Variants in CDKAL1 observed in about 807,000 individuals in gnomAD.
CDKAL1 encodes the protein CDKAL1 threonylcarbamoyladenosine tRNA methylthiotransferase, also known as threonylcarbamoyladenosine tRNA methylthiotransferase.
A neutral mutation model predicts 68.2 loss-of-function variants in CDKAL1; 32 were observed. That is an observed-to-expected ratio of 0.47 (90% confidence interval 0.35 to 0.63). The LOEUF is 0.63. CDKAL1 is among the 30% of genes least tolerant of loss of function. The pLI, the probability that CDKAL1 is intolerant of heterozygous loss-of-function variation, is 0.00. For missense variants in CDKAL1, 606 were observed against 696.7 expected, an observed-to-expected ratio of 0.87 and a Z score of 1.47; for synonymous variants, 234 against 244.3, an observed-to-expected ratio of 0.96 and a Z score of 0.39.
chr6:20,855,442 C>CAA lies in CDKAL1; in HGVS notation c.742+9293_742+9294dup, dbSNP rs145448785. 1.1e-3 allele frequency among the ~76,000 whole-genome samples: 68 copies of CAA among 64,638 alleles called. 2 individuals carry two copies. Among genetic ancestry groups the CAA allele is most frequent in the African/African-American group, 4.0e-3 (59 of 14,764 alleles). 42.4% of individuals were successfully genotyped at this position (64,638 alleles called of 152,430 possible). On this transcript the variant is annotated intron_variant, in intron 9 of 15. Coordinates refer to ENST00000274695, the MANE Select transcript of CDKAL1 (RefSeq NM_017774.3). Reference sequence around the variant, plus strand: ...TGGGAGACAGAGCGAGACTCCGTCTCAAAAAAAAAAAAAAAAAAAAAAAAA... The same window carrying CAA: ...TGGGAGACAGAGCGAGACTCCGTCTCAAAAAAAAAAAAAAAAAAAAAAAAAAA...
At chr6:20,954,186 G>A (rs963939325) in intron 9 of CDKAL1, among the ~76,000 whole-genome samples, 1 of 151,904 alleles carries the variant, frequency 6.6e-6, no homozygotes, top group Admixed American at 6.6e-5. Flanking sequence ...TTTTTGCTGT[G>A]TTTTTTTCTA....
intron 4 of CDKAL1, among the ~76,000 whole-genome samples, chr6:20,563,682 A>G (rs1225437964): frequency 6.6e-6 from 1 of 151,406 alleles, no homozygotes; most frequent in Non-Finnish European, 1.5e-5. Context: ...TAACATAGAG[A>G]TATGAAGAAT....
chr6:21,143,253 G>T (rs569270063), intron 13 of CDKAL1, among the ~76,000 whole-genome samples: 2 of 152,254 alleles, frequency 1.3e-5, no homozygotes, highest in African/African-American at 4.8e-5. Flanking sequence ...CCTAAATTAG[G>T]AAAGTTAGAA....
chr6:21,067,198 G>A (rs956173498), intron 12 of CDKAL1, among the ~76,000 whole-genome samples: 1 of 152,024 alleles, frequency 6.6e-6, no homozygotes, highest in South Asian at 2.1e-4. Context: ...TCCATTTACT[G>A]TCCTCTCCCC....
intron 10 of CDKAL1, among the ~76,000 whole-genome samples, chr6:20,970,998 G>A (rs1182055711): frequency 6.6e-6 from 1 of 152,070 alleles, no homozygotes; most frequent in East Asian, 1.9e-4. Flanking sequence ...ACAGGCACGT[G>A]CCACCACACC....
intron 5 of CDKAL1, among the ~76,000 whole-genome samples, chr6:20,684,303 G>A (rs755270202): frequency 1.3e-5 from 2 of 152,144 alleles, no homozygotes; most frequent in African/African-American, 2.4e-5. Flanking sequence ...TTAGCTGGGC[G>A]TGGTGGCATG....
intron 11 of CDKAL1, among the ~76,000 whole-genome samples, chr6:21,039,088 T>C (rs1769765602): frequency 6.6e-6 from 1 of 152,188 alleles, no homozygotes; most frequent in South Asian, 2.1e-4. Flanking sequence ...GTCCATGGCC[T>C]GTTAGGATCC....
chr6:20,687,155 CTTT>C (rs1770665350), intron 5 of CDKAL1, among the ~76,000 whole-genome samples: 1 of 151,808 alleles, frequency 6.6e-6, no homozygotes, highest in Admixed American at 6.6e-5. Context: ...CTTGTGTTGT[CTTT>C]GTGTGGTTTT....
chr6:20,663,623 AC>A (rs1301838055), intron 5 of CDKAL1, among the ~76,000 whole-genome samples: 2 of 152,166 alleles, frequency 1.3e-5, no homozygotes, highest in African/African-American at 4.8e-5. Flanking sequence ...AATGGGACTT[AC>A]ATATATTTTC....
intron 4 of CDKAL1, among the ~76,000 whole-genome samples, chr6:20,586,496 G>A (rs1382366516): frequency 6.6e-6 from 1 of 152,150 alleles, no homozygotes; most frequent in Admixed American, 6.5e-5. Context: ...AAATTAGCCA[G>A]GCTTGGTGGC....
chr6:20,811,783 A>ACT (rs1554124898), intron 8 of CDKAL1, among the ~76,000 whole-genome samples: 1 of 139,740 alleles, frequency 7.2e-6, no homozygotes, highest in Non-Finnish European at 1.6e-5. Flanking sequence ...TTTACCTAGT[A>ACT]GTAAAAAAAA....
At chr6:20,928,991 A>C (rs778202954) in intron 9 of CDKAL1, among the ~76,000 whole-genome samples, 20 of 152,238 alleles carry the variant, frequency 1.3e-4, no homozygotes, top group South Asian at 1.0e-3. Context: ...TCTGAGCTTG[A>C]GGATGATATC....
chr6:21,003,371 TACACACACACAC>T (rs55839331), intron 11 of CDKAL1, among the ~76,000 whole-genome samples: 54 of 49,220 alleles, frequency 1.1e-3, no homozygotes, highest in East Asian at 1.7e-3. Flanking sequence ...TATATATATA[TACACACACACAC>T]ACACACATAT....
At chr6:20,741,643 T>C (rs955753744) in intron 6 of CDKAL1, among the ~76,000 whole-genome samples, 1 of 142,946 alleles carries the variant, frequency 7.0e-6, no homozygotes, top group African/African-American at 2.4e-5. Flanking sequence ...AAAGACATGC[T>C]CTTGTTTTTG....
chr6:20,793,848 C>T (rs1052214978), intron 8 of CDKAL1, among the ~76,000 whole-genome samples: 96 of 144,536 alleles, frequency 6.6e-4, no homozygotes, highest in African/African-American at 2.4e-3. Context: ...TATATATATA[C>T]ATATATAAAT....
intron 5 of CDKAL1, among the ~76,000 whole-genome samples, chr6:20,711,604 C>T (rs1002716874): frequency 2.4e-4 from 36 of 152,166 alleles, no homozygotes; most frequent in Admixed American, 1.7e-3. Context: ...CTGTATGTTG[C>T]AGAAAACAAC....
intron 5 of CDKAL1, among the ~76,000 whole-genome samples, chr6:20,733,466 G>A (rs1312113831): frequency 2.0e-5 from 3 of 152,172 alleles, no homozygotes; most frequent in Non-Finnish European, 4.4e-5. Context: ...TTATTCCAGT[G>A]CACCATGACA....
chr6:21,040,591 G>A (rs894658223), intron 11 of CDKAL1, among the ~76,000 whole-genome samples: 14 of 151,992 alleles, frequency 9.2e-5, no homozygotes, highest in Non-Finnish European at 1.9e-4. Context: ...CTAAAAATTC[G>A]TATTTAATTT....
intron 11 of CDKAL1, among the ~76,000 whole-genome samples, chr6:21,054,527 T>TA (rs571559939): frequency 9.5e-4 from 144 of 152,320 alleles, no homozygotes; most frequent in African/African-American, 3.3e-3. Context: ...ATTGACTCTA[T>TA]AAATCAATTT....
Sources: allele counts gnomAD v4.1 joint callset (sites outside exome capture counted in the v4.1 genomes callset), GRCh38; gene constraint gnomAD v4.1.1; transcripts MANE v1.5; gene names NCBI Gene and HGNC (gene_info 2026-07-23, HGNC 2026-07-21).